Variants in CCDC15 observed in about 807,000 individuals in gnomAD.
CCDC15 encodes coiled-coil domain-containing protein 15.
CCDC15 carries 105 observed loss-of-function variants against 114.5 expected under a neutral mutation model. The ratio of observed to expected loss-of-function variants is 0.92; its 90% CI spans 0.78 to 1.08. CCDC15 has a LOEUF of 1.08. Among genes scored for constraint, CCDC15 ranks in the 50% least tolerant of loss-of-function variants. CCDC15 has a pLI of 0.00. For synonymous variants in CCDC15, 334 were observed against 377.8 expected (o/e 0.88, Z 1.34); for missense variants, 1,105 against 1,093.6 (o/e 1.01, Z -0.15).
rs981830133 is a variant in CCDC15 at position 125,040,963 on chromosome 11, C to A, written c.*252C>A. The A allele has an allele frequency of 9.8e-6, 4 of 407,360 alleles. No homozygotes were observed. Among genetic ancestry groups the A allele is most frequent in the Non-Finnish European group, 1.8e-5 (4 of 226,156 alleles). 25.2% of individuals were successfully genotyped at this position (407,360 alleles called of 1,614,324 possible). On this transcript the variant is annotated 3_prime_UTR_variant, in exon 16 of 16. Transcript: ENST00000344762. ...TTAAAATATGATCAGACAAGTAAGG[C>A]TTCTCTTACTTTGCTCTGCTCTGAT...
chr11:125,003,955 A>C lies in CCDC15; in HGVS notation c.2303A>C (p.Lys768Thr). The change falls in exon 12 of 16, where the codon AAA (lysine) becomes ACA (threonine). Residue 768 changes from lysine (K) to threonine (T), a missense_variant. Transcript: ENST00000344762. ...GACGTGGATAAAGAAGAAGATAAGA[A>C]AGAGGTATGTAATGATACTGCTTTT... ...QSDVDKEEDK[K>T]ERQKQYLRHR... The C allele has an allele frequency of 1.3e-6, 2 of 1,509,290 alleles. No homozygotes were observed. Among genetic ancestry groups the C allele is most frequent in the Non-Finnish European group, 1.8e-6 (2 of 1,126,132 alleles). 93.5% of individuals were successfully genotyped at this position (1,509,290 alleles called of 1,614,324 possible). A position where few individuals can be genotyped will look rare whatever the true frequency, so the allele number is the denominator to read the frequency against.
At chr11:125,031,735 A>T (rs1230710817) in intron 13 of CCDC15, among the ~76,000 whole-genome samples, 1 of 152,180 alleles carries the variant, frequency 6.6e-6, no homozygotes, top group Non-Finnish European at 1.5e-5. Context: ...CACCTCAAGC[A>T]CTATTGGGTC....
chr11:125,023,074 A>T (rs1415529713), intron 13 of CCDC15, among the ~76,000 whole-genome samples: 1 of 151,866 alleles, frequency 6.6e-6, no homozygotes, highest in Non-Finnish European at 1.5e-5. Flanking sequence ...TTGATGACTT[A>T]TTTAACAAGT....
chr11:124,959,395 C>A, intron 3 of CCDC15, 131 bp downstream of exon 3: 1 of 802,570 alleles, frequency 1.2e-6, no homozygotes. Context: ...CTAGTGAAGA[C>A]AGTAAATTTT....
At chr11:124,968,070 C>T (rs922752257) in intron 4 of CCDC15, among the ~76,000 whole-genome samples, 2 of 152,150 alleles carry the variant, frequency 1.3e-5, no homozygotes, top group African/African-American at 2.4e-5. Flanking sequence ...TCAGTCGGTC[C>T]CTACTGGGAG....
chr11:124,988,965 C>G (rs1948223270), intron 8 of CCDC15, among the ~76,000 whole-genome samples: 1 of 152,188 alleles, frequency 6.6e-6, no homozygotes. Flanking sequence ...CAACTTCTTC[C>G]AAACTCCTGT....
At chr11:124,995,264 A>G (rs1948346128) in intron 11 of CCDC15, among the ~76,000 whole-genome samples, 1 of 152,064 alleles carries the variant, frequency 6.6e-6, no homozygotes, top group Non-Finnish European at 1.5e-5. Context: ...GGCTATCCTT[A>G]CCACCTTATC....
At position 124,959,245 on chromosome 11, in the gene CCDC15, T is replaced by G; in HGVS notation, c.308T>G (p.Leu103Arg). ...QQIRLRKKQQ[L>R]QKSYERAQKE... is the part of the protein sequence containing the mutation. Reference sequence around the variant, plus strand: ...ATTAGGTTGAGAAAAAAGCAACAGCTTCAGAAGTCTTATGAAAGAGTAAGT... The same window carrying G: ...ATTAGGTTGAGAAAAAAGCAACAGCGTCAGAAGTCTTATGAAAGAGTAAGT... Residue 103 changes from leucine to arginine, a missense_variant, in exon 3 of 16, where the codon CTT (leucine) becomes CGT (arginine). Physicochemically the swap from Leu to Arg is moderately radical, Grantham distance 102. Transcript: ENST00000344762. 1 of 1,578,744 alleles carries G rather than the reference T, an allele frequency of 6.3e-7. No homozygotes were observed. Among genetic ancestry groups the G allele is most frequent in the Non-Finnish European group, 8.6e-7 (1 of 1,167,588 alleles).
intron 13 of CCDC15, among the ~76,000 whole-genome samples, chr11:125,020,561 C>G (rs372567897): frequency 6.6e-6 from 1 of 151,916 alleles, no homozygotes; most frequent in African/African-American, 2.4e-5. Flanking sequence ...GTTTATAAAC[C>G]TGTTTGCAGT....
At chr11:125,013,744 G>A (rs1325637514) in intron 13 of CCDC15, among the ~76,000 whole-genome samples, 2 of 152,208 alleles carry the variant, frequency 1.3e-5, no homozygotes, top group Admixed American at 6.5e-5. Context: ...AGCTTCAGGA[G>A]CATGTGAAAT....
chr11:125,005,038 T>C (rs1179924276), intron 12 of CCDC15, 71 bp from the exon 13 acceptor site: 2 of 649,888 alleles, frequency 3.1e-6, no homozygotes, highest in Non-Finnish European at 5.2e-6. Flanking sequence ...GTCTATGGTA[T>C]AAGAATATTT....
chr11:124,984,838 T>TGTCCACTCTTAATGCCTTCCCTCC (rs1948130495), intron 6 of CCDC15, among the ~76,000 whole-genome samples: 1 of 152,168 alleles, frequency 6.6e-6, no homozygotes, highest in Non-Finnish European at 1.5e-5. Context: ...GTCTTCCCTC[T>TGTCCACTCTTAATGCCTTCCCTCC]GTCCACTCTT....
At chr11:125,027,994 C>A (rs1948716243) in intron 13 of CCDC15, among the ~76,000 whole-genome samples, 1 of 152,064 alleles carries the variant, frequency 6.6e-6, no homozygotes, top group Non-Finnish European at 1.5e-5. Context: ...AACAGGGTGT[C>A]CTTACCCTAC....
chr11:125,015,424 C>T (rs1474589001), intron 13 of CCDC15, among the ~76,000 whole-genome samples: 1 of 152,114 alleles, frequency 6.6e-6, no homozygotes, highest in African/African-American at 2.4e-5. Context: ...AGCCTACAGA[C>T]ATTAAATCAC....
chr11:124,963,392 G>A (rs1404015950), intron 4 of CCDC15, among the ~76,000 whole-genome samples: 1 of 152,196 alleles, frequency 6.6e-6, no homozygotes, highest in Non-Finnish European at 1.5e-5. Flanking sequence ...CTGATGGCCA[G>A]TGATGATGAG....
At chr11:124,978,611 G>A (rs1948015541) in intron 6 of CCDC15, among the ~76,000 whole-genome samples, 1 of 151,958 alleles carries the variant, frequency 6.6e-6, no homozygotes, top group South Asian at 2.1e-4. Context: ...TTGGCCATGT[G>A]TATGTCTTCT....
chr11:125,013,579 G>T (rs978109719), intron 13 of CCDC15, among the ~76,000 whole-genome samples: 3 of 152,132 alleles, frequency 2.0e-5, no homozygotes, highest in African/African-American at 7.2e-5. Flanking sequence ...CATAGATTTT[G>T]ATGACCAAAT....
intron 13 of CCDC15, among the ~76,000 whole-genome samples, chr11:125,013,869 G>T (rs1948612176): frequency 6.6e-6 from 1 of 152,176 alleles, no homozygotes; most frequent in Non-Finnish European, 1.5e-5. Flanking sequence ...CATTGGATAA[G>T]GTACAGGGCT....
intron 11 of CCDC15, among the ~76,000 whole-genome samples, chr11:124,996,360 T>C (rs985586305): frequency 6.6e-6 from 1 of 152,152 alleles, no homozygotes; most frequent in African/African-American, 2.4e-5. Flanking sequence ...CCATTTACTT[T>C]CTTTTTGTTG....
Sources: gnomAD v4.1 joint callset for allele counts (sites outside exome capture counted in the v4.1 genomes callset) on GRCh38, gnomAD v4.1.1 for gene constraint, MANE v1.5 for transcripts, NCBI Gene and HGNC (gene_info 2026-07-23, HGNC 2026-07-21) for gene names.